RASGRP2: variants seen among roughly 807,000 people sequenced by gnomAD.
The protein encoded by RASGRP2 is RAS guanyl releasing protein 2.
In RASGRP2, 44 loss-of-function variants were observed where a neutral mutation model predicts 71.0. The observed-to-expected ratio is 0.62, with a 90% CI of 0.49 to 0.80. RASGRP2 has a LOEUF of 0.80. Among genes scored for constraint, RASGRP2 ranks in the 30% least tolerant of loss-of-function variants. The pLI, the probability that RASGRP2 is intolerant of heterozygous loss-of-function variation, is 0.00. For missense variants in RASGRP2, 663 were observed against 813.4 expected, an observed-to-expected ratio of 0.82 and a Z score of 2.25; for synonymous variants, 350 against 330.7, an observed-to-expected ratio of 1.06 and a Z score of -0.63.
At position 64,735,480 on chromosome 11, in the gene RASGRP2, A is replaced by G. The variant is rs2057902038; in HGVS notation, c.1296+62T>C. On this transcript the variant is annotated intron_variant, in intron 11 of 16. Coordinates refer to ENST00000394432, the MANE Select transcript of RASGRP2 (RefSeq NM_001098671.2). This position sits in a 1 kb window ranked among gnomAD's most constrained non-coding sequence, Gnocchi z 4.2. Reference sequence around the variant, plus strand: ...GAACAGGACACTCGTGCTGGCTTCCAGGGCAGTGCTCCGGCAAACTGGCCT... The same window carrying G: ...GAACAGGACACTCGTGCTGGCTTCCGGGGCAGTGCTCCGGCAAACTGGCCT... The G allele has an allele frequency of 1.2e-6, 2 of 1,610,824 alleles. No homozygotes were observed. Among genetic ancestry groups the G allele is most frequent in the South Asian group, 1.1e-5 (1 of 90,952 alleles).
At chr11:64,728,263 T>A (rs1179500072) in intron 15 of RASGRP2, among the ~76,000 whole-genome samples, 3 of 152,158 alleles carry the variant, frequency 2.0e-5, no homozygotes, top group Non-Finnish European at 4.4e-5. Flanking sequence ...TAACACCTTC[T>A]CCAATCCTTT....
chr11:64,732,635 G>C (rs1353980264), intron 12 of RASGRP2, among the ~76,000 whole-genome samples: 1 of 152,184 alleles, frequency 6.6e-6, no homozygotes, highest in Admixed American at 6.5e-5. Flanking sequence ...CAAAAAATTA[G>C]CCGGGCACGG....
rs745514533 is a variant in RASGRP2 at position 64,740,168 on chromosome 11, G to A, written c.372-5C>T. 1.2e-6 allele frequency: 2 copies of A among 1,614,000 alleles called. No homozygotes were observed. The highest frequency in any genetic ancestry group is 1.3e-5 in the African/African-American group (1 of 74,992). On this transcript the variant is annotated splice_region_variant and splice_polypyrimidine_tract_variant and intron_variant, in intron 5 of 16. Transcript: ENST00000394432. The stretch of plus-strand genomic sequence containing the variant: ...CGCTTCCACTTGTAGGTAGGGCTGG[G>A]GGGGCAGGGGTAGTGAGCCCTTTGC...
At position 64,739,873 on chromosome 11, in the gene RASGRP2, C is replaced by A; in HGVS notation, c.523-64G>T. ...TCTCCCCTCACTGATAGCCACTCCT[C>A]ACCCTCCAGCTGACCTTCAGTGGTT... On this transcript the variant is annotated intron_variant, in intron 6 of 16. Coordinates refer to ENST00000394432, the MANE Select transcript of RASGRP2 (RefSeq NM_001098671.2). This position sits in a 1 kb window ranked among gnomAD's most constrained non-coding sequence, Gnocchi z 4.2. 6.2e-7 allele frequency: 1 copy of A among 1,609,682 alleles called. No homozygotes were observed. The highest frequency in any genetic ancestry group is 8.5e-7 in the Non-Finnish European group (1 of 1,178,068).
At chr11:64,730,697 A>G (rs912381037) in intron 12 of RASGRP2, among the ~76,000 whole-genome samples, 11 of 152,198 alleles carry the variant, frequency 7.2e-5, no homozygotes, top group African/African-American at 2.7e-4. Flanking sequence ...TTTTTCACCT[A>G]TGAATACATT....
rs563693817 is a variant in RASGRP2 at position 64,735,759 on chromosome 11, G to A, written c.1174-95C>T. On this transcript the variant is annotated intron_variant, in intron 10 of 16. Transcript: ENST00000394432. This position sits in a 1 kb window ranked among gnomAD's most constrained non-coding sequence, Gnocchi z 4.2. ...GGGAATCCCTGGGAGAGGGAAGTCT[G>A]CCCAACACTACTGCCCTACCCCCAG... 2.6e-3 allele frequency: 3,863 copies of A among 1,512,396 alleles called. 12 individuals carry two copies. The highest frequency in any genetic ancestry group is 3.2e-3 in the Non-Finnish European group (3,515 of 1,111,854). The allele number at this position is 1,512,396 out of a possible 1,614,324, so 93.7% of individuals were successfully genotyped here.
rs774046535 is a variant in RASGRP2, at chr11:64,743,294, C to T, written c.-71-357G>A. ...CAGCACCCCGCAGCTCGGCTCTGCG[C>T]CCCTCCCGCTTCCCTCCCTCCACAG... On this transcript the variant is annotated intron_variant, in intron 1 of 16. Coordinates refer to ENST00000394432, the MANE Select transcript of RASGRP2 (RefSeq NM_001098671.2). The surrounding 1 kb of genome is among the most constrained non-coding windows in gnomAD (Gnocchi z 4.9). 2.1e-6 allele frequency: 1 copy of T among 465,452 alleles called. No individual in the cohort carries two copies. Among genetic ancestry groups the T allele is most frequent in the South Asian group, 1.6e-5 (1 of 64,438 alleles). 28.8% of individuals were successfully genotyped at this position (465,452 alleles called of 1,614,324 possible).
intron 4 of RASGRP2, 142 bp from the exon 5 acceptor site, chr11:64,741,221 G>A (rs571481970): frequency 1.7e-6 from 2 of 1,193,828 alleles, no homozygotes; most frequent in African/African-American, 1.5e-5. Flanking sequence ...CACTCCAAGT[G>A]TACATTAGAC....
chr11:64,731,042 A>G (rs896935454), intron 12 of RASGRP2, among the ~76,000 whole-genome samples: 2 of 152,186 alleles, frequency 1.3e-5, no homozygotes, highest in African/African-American at 4.8e-5. Flanking sequence ...TCAAGGGAGC[A>G]TTAGGATAAC....
chr11:64,741,864 C>CT, intron 3 of RASGRP2, 146 bp downstream of exon 3: 1 of 747,488 alleles, frequency 1.3e-6, no homozygotes, highest in Non-Finnish European at 2.4e-6. Context: ...AGCCTAGGCC[C>CT]TAGTTGGAGG....
At chr11:64,738,338 G>A (rs562523552) in intron 8 of RASGRP2, among the ~76,000 whole-genome samples, 1 of 152,308 alleles carries the variant, frequency 6.6e-6, no homozygotes, top group South Asian at 2.1e-4. Flanking sequence ...CTAAAGTGCT[G>A]GGCGCTTGGG....
chr11:64,729,349 T>TA (rs1158633313), intron 14 of RASGRP2, among the ~76,000 whole-genome samples: 1 of 150,998 alleles, frequency 6.6e-6, no homozygotes, highest in African/African-American at 2.4e-5. Context: ...TTGTTGTTTT[T>TA]TTTTTTGAGA....
chr11:64,730,135 A>G lies in RASGRP2; in HGVS notation c.1472T>C (p.Leu491Ser). ...GTGTACGAAGCCCATGCGCCCCCCCAACACAGAGCTGGAGCGCAGGAAATA... is the reference window on the plus strand; with the variant it reads ...GTGTACGAAGCCCATGCGCCCCCCCGACACAGAGCTGGAGCGCAGGAAATA... ...VSYFLRSSSVLGGRMGFVHNF... is the reference protein window; with the variant it reads ...VSYFLRSSSVSGGRMGFVHNF... The change falls in exon 13 of 17, where the codon TTG becomes TCG. Residue 491 changes from leucine (L) to serine (S), a missense_variant. Physicochemically the swap from Leu to Ser is moderately radical, Grantham distance 145. Coordinates refer to ENST00000394432, the MANE Select transcript of RASGRP2 (RefSeq NM_001098671.2). 1.3e-6 allele frequency: 2 copies of G among 1,551,406 alleles called. No individual in the cohort carries two copies. The highest frequency in any genetic ancestry group is 1.7e-6 in the Non-Finnish European group (2 of 1,147,006).
rs978937833 is a variant in RASGRP2 at position 64,740,692 on chromosome 11, G to A, written c.371+256C>T. ...AGAGCACCATGATGAGAAAGGACTC[G>A]AGAGCTCAGCCGACGGGGAGCCGAC... On this transcript the variant is annotated intron_variant, in intron 5 of 16. Coordinates refer to ENST00000394432, the MANE Select transcript of RASGRP2 (RefSeq NM_001098671.2). 30 of 655,934 alleles carry A rather than the reference G, an allele frequency of 4.6e-5. 1 individual carries two copies. The highest frequency in any genetic ancestry group is 6.5e-4 in the Middle Eastern group (2 of 3,080). 40.6% of individuals were successfully genotyped at this position (655,934 alleles called of 1,614,324 possible).
chr11:64,743,342 T>G lies in RASGRP2; in HGVS notation c.-71-405A>C, dbSNP rs1254519517. 4.6e-6 allele frequency: 2 copies of G among 433,944 alleles called. No homozygotes were observed. Among genetic ancestry groups the G allele is most frequent in the Non-Finnish European group, 9.2e-6 (2 of 218,418 alleles). The allele number at this position is 433,944 out of a possible 1,614,324, so 26.9% of individuals were successfully genotyped here. On this transcript the variant is annotated intron_variant, in intron 1 of 16. Transcript: ENST00000394432. This position sits in a 1 kb window ranked among gnomAD's most constrained non-coding sequence, Gnocchi z 4.9. ...CAGCCTCCCTTCCCCCGCAGGGTTATTTTGGGAACCCAGAGCCTGAGGGGA... is the reference window on the plus strand; with the variant it reads ...CAGCCTCCCTTCCCCCGCAGGGTTAGTTTGGGAACCCAGAGCCTGAGGGGA...
Position 64,741,094 on chromosome 11 carries a change from A to G in RASGRP2, c.240-15T>C. ...AGATCCAGTACCTGGAGGAGCGGGG[A>G]GTCACCCAAGATAGCCCTTCCCCCA... On this transcript the variant is annotated splice_polypyrimidine_tract_variant and intron_variant, in intron 4 of 16. Transcript: ENST00000394432. 6.2e-7 allele frequency: 1 copy of G among 1,610,940 alleles called. No individual in the cohort carries two copies. Among genetic ancestry groups the G allele is most frequent in the Middle Eastern group, 2.1e-4 (1 of 4,868 alleles).
At chr11:64,741,248 C>T (rs1356347884) in intron 4 of RASGRP2, among the ~76,000 whole-genome samples, 169 bp from the exon 5 acceptor site, 1 of 152,240 alleles carries the variant, frequency 6.6e-6, no homozygotes, top group Non-Finnish European at 1.5e-5. Context: ...GACAACCACC[C>T]GCACTGCGCA....
chr11:64,741,733 G>A (rs573208320), intron 3 of RASGRP2, among the ~76,000 whole-genome samples: 1 of 152,170 alleles, frequency 6.6e-6, no homozygotes, highest in South Asian at 2.1e-4. Context: ...AGAGATGCAC[G>A]GGGCGCACCC....
At chr11:64,733,848 T>C (rs960494137) in intron 12 of RASGRP2, among the ~76,000 whole-genome samples, 2 of 48,256 alleles carry the variant, frequency 4.1e-5, no homozygotes, top group Admixed American at 4.0e-4. Context: ...TCTTCCTTTT[T>C]TTTTCTTTTT....
Sources: allele counts gnomAD v4.1 joint callset (sites outside exome capture counted in the v4.1 genomes callset), GRCh38; gene constraint gnomAD v4.1.1; non-coding constraint Gnocchi (gnomAD v3.1); transcripts MANE v1.5; gene names NCBI Gene and HGNC (gene_info 2026-07-23, HGNC 2026-07-21).